Variants in RIN2 observed in about 807,000 individuals in gnomAD.
The protein encoded by RIN2 is Ras and Rab interactor 2, also known as RAB5 interacting protein 2.
In RIN2, 36 loss-of-function variants were observed where a neutral mutation model predicts 78.0. The observed-to-expected ratio is 0.46, with a 90% CI of 0.35 to 0.61. RIN2 has a LOEUF of 0.61. RIN2 is among the 20% of genes least tolerant of loss of function. The pLI, the probability that RIN2 is intolerant of heterozygous loss-of-function variation, is 0.00. For missense variants in RIN2, 1,087 were observed against 1,159.7 expected (o/e 0.94, Z 0.91); for synonymous variants, 466 against 466.8 (o/e 1.00, Z 0.02).
intron 9 of RIN2, among the ~76,000 whole-genome samples, chr20:19,977,337 T>A (rs1355864490): frequency 6.6e-6 from 1 of 152,202 alleles, no homozygotes; most frequent in Non-Finnish European, 1.5e-5. Context: ...TTCAGCCAGC[T>A]CCTTTTGTAG....
chr20:19,953,921 G>T (rs1164746978), intron 4 of RIN2, among the ~76,000 whole-genome samples: 1 of 152,176 alleles, frequency 6.6e-6, no homozygotes, highest in Non-Finnish European at 1.5e-5. Flanking sequence ...ATTCTTTTTG[G>T]CACAGAGTCT....
At chr20:19,999,519 T>C (rs187367189) in intron 12 of RIN2, among the ~76,000 whole-genome samples, 60 of 152,298 alleles carry the variant, frequency 3.9e-4, no homozygotes, top group Non-Finnish European at 8.2e-4. Flanking sequence ...CTGAGCAGGG[T>C]TGCCAGATTT....
Position 19,856,465 on chromosome 20 carries a change from C to T in RIN2, c.-36-33101C>T, listed in dbSNP as rs545404518. ...GGAGGATCGCTTGAGCCCAGGAGTT[C>T]AAGACTACAATGAGTCACGATCATG... On this transcript the variant is annotated intron_variant, in intron 2 of 12. Coordinates refer to ENST00000255006, the MANE Select transcript of RIN2 (RefSeq NM_018993.4). 2.0e-5 allele frequency among the ~76,000 whole-genome samples: 3 copies of T among 149,282 alleles called. No individual in the cohort carries two copies. The East Asian group carries it at 6.0e-4, about 30-fold the overall frequency.
chr20:19,851,770 A>G (rs73605544), intron 2 of RIN2, among the ~76,000 whole-genome samples: 4,911 of 152,234 alleles, frequency 0.032, 110 homozygotes, highest in African/African-American at 0.065. Flanking sequence ...ATGGTTGCTG[A>G]GCACTGTGAC....
At chr20:19,912,475 C>CTTTTTTTTTTTTTTTT (rs545323465) in intron 3 of RIN2, among the ~76,000 whole-genome samples, 3 of 110,930 alleles carry the variant, frequency 2.7e-5, no homozygotes, top group African/African-American at 7.1e-5. Flanking sequence ...TTTTCTTTTT[C>CTTTTTTTTTTTTTTTT]TTTTTTTTTT....
intron 3 of RIN2, among the ~76,000 whole-genome samples, chr20:19,922,049 A>G (rs2039946950): frequency 6.6e-6 from 1 of 152,196 alleles, no homozygotes. Context: ...TATTTTTAGT[A>G]GAGATGGTGT....
At chr20:19,854,394 T>C (rs2037096588) in intron 2 of RIN2, among the ~76,000 whole-genome samples, 1 of 152,254 alleles carries the variant, frequency 6.6e-6, no homozygotes, top group Non-Finnish European at 1.5e-5. Context: ...AACTTTAAAG[T>C]AGTTTTTCCC....
chr20:19,787,882 C>T (rs2034734312), intron 1 of RIN2, among the ~76,000 whole-genome samples: 1 of 152,150 alleles, frequency 6.6e-6, no homozygotes, highest in Admixed American at 6.5e-5. Context: ...ATGCATTACA[C>T]AAGACAATCT....
intron 2 of RIN2, among the ~76,000 whole-genome samples, chr20:19,861,154 G>T (rs1184908793): frequency 6.6e-6 from 1 of 152,150 alleles, no homozygotes; most frequent in African/African-American, 2.4e-5. Context: ...CAGTCTCCGG[G>T]CAGATGTCAC....
At chr20:19,934,922 C>T (rs912538592) in intron 3 of RIN2, among the ~76,000 whole-genome samples, 177 bp from the exon 4 acceptor site, 3 of 151,672 alleles carry the variant, frequency 2.0e-5, no homozygotes, top group Non-Finnish European at 4.4e-5. Context: ...GCCTCCTCCC[C>T]CTTTATTTTT....
chr20:19,770,120 A>G (rs753590012), intron 1 of RIN2, among the ~76,000 whole-genome samples: 2 of 152,258 alleles, frequency 1.3e-5, no homozygotes, highest in Non-Finnish European at 2.9e-5. Flanking sequence ...AGGAAAAGCT[A>G]TGCTCAAGTT....
rs1224451475 is a variant in RIN2, at chr20:19,944,016, CT to C, written c.158+8818del. Among the ~76,000 whole-genome samples the C allele has an allele frequency of 2.5e-5, 3 of 120,666 alleles. No homozygotes were observed. The Admixed American group carries it at 3.0e-4, about 12-fold the overall frequency. 79.2% of individuals were successfully genotyped at this position (120,666 alleles called of 152,430 possible). On this transcript the variant is annotated intron_variant, in intron 4 of 12. Transcript: ENST00000255006. The stretch of plus-strand genomic sequence containing the variant: ...TTTTTTTTTTTTACCTATAACTAGA[CT>C]CAAGTTCTGAACTTCAAAATTCTAA...
At chr20:19,944,791 G>C (rs549256597) in intron 4 of RIN2, among the ~76,000 whole-genome samples, 2 of 152,060 alleles carry the variant, frequency 1.3e-5, no homozygotes, top group African/African-American at 4.8e-5. Context: ...CTGCTTCCAG[G>C]ACCTGCTGGA....
chr20:19,927,171 C>T (rs1000394938), intron 3 of RIN2, among the ~76,000 whole-genome samples: 3 of 152,230 alleles, frequency 2.0e-5, no homozygotes, highest in Non-Finnish European at 2.9e-5. Flanking sequence ...AGGGGAGGTA[C>T]ATGAATCCAT....
At chr20:19,844,311 A>G (rs146841256) in intron 2 of RIN2, among the ~76,000 whole-genome samples, 93 of 152,362 alleles carry the variant, frequency 6.1e-4, no homozygotes, top group Non-Finnish European at 9.8e-4. Context: ...CTAAAGGCTC[A>G]AAGCCCCTTA....
In RIN2 at chr20:19,996,343, C is replaced by A. The variant is rs148747121; in HGVS notation, c.2201-336C>A. Among the ~76,000 whole-genome samples, 701 of 151,776 alleles carry A rather than the reference C, an allele frequency of 4.6e-3. 4 individuals carry two copies. Among genetic ancestry groups the A allele is most frequent in the African/African-American group, 0.016 (650 of 41,402 alleles). ...ACAAACAAACAAAAAAACAAACAAA[C>A]AAAAAAAACACTTTAGTGGCTTGGT... On this transcript the variant is annotated intron_variant, in intron 11 of 12. Coordinates refer to ENST00000255006, the MANE Select transcript of RIN2 (RefSeq NM_018993.4).
chr20:19,908,415 C>T (rs389181), intron 3 of RIN2, among the ~76,000 whole-genome samples: 40,273 of 150,734 alleles, frequency 0.27, 6,744 homozygotes, highest in East Asian at 0.54. Context: ...GGCGTGAACC[C>T]GGGAGGCGGA....
intron 2 of RIN2, among the ~76,000 whole-genome samples, chr20:19,844,645 CTTCTTCTTCTTCTTCTTCTTCTTCCTT>C (rs2036698815): frequency 7.9e-6 from 1 of 127,272 alleles, no homozygotes; most frequent in African/African-American, 3.0e-5. Flanking sequence ...TCTTCTTCTT[CTTCTTCTTCTTCTTCTTCTTCTTCCTT>C]CTTCTTCTTC....
rs530341475 is a variant in RIN2 at position 19,811,071 on chromosome 20, C to T, written c.-37+11324C>T. Among the ~76,000 whole-genome samples, 287 of 151,338 alleles carry T rather than the reference C, an allele frequency of 1.9e-3. 1 individual carries two copies. The highest frequency in any genetic ancestry group is 6.7e-3 in the African/African-American group (277 of 41,276). On this transcript the variant is annotated intron_variant, in intron 2 of 12. Transcript: ENST00000255006. ...AAAAAAAAAATGCACAAGGATAAAG[C>T]GGAAAGTACCAGATGTATAAACCAA...
Sources: allele counts gnomAD v4.1 joint callset (sites outside exome capture counted in the v4.1 genomes callset), GRCh38; gene constraint gnomAD v4.1.1; transcripts MANE v1.5; gene names NCBI Gene and HGNC (gene_info 2026-07-23, HGNC 2026-07-21).